The following CHD1L variants were observed in gnomAD, a reference collection of about 807,000 sequenced individuals.
CHD1L encodes ATP-dependent chromatin remodeler CHD1L.
A neutral mutation model predicts 115.9 loss-of-function variants in CHD1L; 118 were observed. The observed-to-expected ratio is 1.02, with a 90% CI of 0.88 to 1.19. CHD1L has a LOEUF of 1.19. CHD1L is among the 50% of genes most tolerant of loss of function. The probability of loss-of-function intolerance (pLI) is 0.00; values close to 1 mark genes in which losing one functional copy is unlikely to be tolerated. For missense variants in CHD1L, 1,179 were observed against 1,065.3 expected (o/e 1.11, Z -1.49); for synonymous variants, 411 against 387.1 (o/e 1.06, Z -0.72).
At chr1:147,200,512 T>G in the CHD1L span, among the ~76,000 whole-genome samples, 1 of 152,150 alleles carries the variant, frequency 6.6e-6, no homozygotes, top group Non-Finnish European at 1.5e-5. Flanking sequence ...TTCTAGAACA[T>G]TATAGTTTTT....
At chr1:147,263,428 CAAAA>C (rs587643353) in intron 6 of CHD1L, among the ~76,000 whole-genome samples, 1 of 124,502 alleles carries the variant, frequency 8.0e-6, no homozygotes. Flanking sequence ...GACCCTGTCT[CAAAA>C]AAAAAAAAAA....
intron 7 of CHD1L, among the ~76,000 whole-genome samples, chr1:147,264,943 A>G (rs962611794): frequency 6.6e-6 from 1 of 152,224 alleles, no homozygotes; most frequent in Non-Finnish European, 1.5e-5. Flanking sequence ...TGGGTGCTGT[A>G]GTCCCAAACT....
chr1:147,235,664 TA>T, the CHD1L span, among the ~76,000 whole-genome samples: 1 of 151,718 alleles, frequency 6.6e-6, no homozygotes, highest in African/African-American at 2.4e-5. Flanking sequence ...AGGGTTAGGG[TA>T]AAAAAAATGG....
chr1:147,293,772 T>C (rs373352310), intron 21 of CHD1L, 50 bp downstream of exon 21: 173 of 1,457,822 alleles, frequency 1.2e-4, no homozygotes, highest in Non-Finnish European at 1.6e-4. Flanking sequence ...TTTCTAGGCA[T>C]GTGATACGAC....
rs140890542 is a variant in CHD1L, at chr1:147,276,132, C to T, written c.1414C>T (p.Arg472Ter). The stretch of plus-strand genomic sequence containing the variant: ...TGTTAAAGTTATTCGGCTGATTGGT[C>T]GAGACACTGTGGAAGAAATAGTCTA... ...KSVKVIRLIGRDTVEEIVYRK... is the reference protein window; with the variant it reads ...KSVKVIRLIG The change falls in exon 14 of 23, where the codon CGA (arginine) becomes TGA (stop). Residue 472 changes from arginine to a stop codon, truncating the protein, a stop_gained. Transcript: ENST00000369258. LOFTEE classifies it high-confidence loss of function. 4 of 1,614,036 alleles carry T rather than the reference C, an allele frequency of 2.5e-6. No homozygotes were observed. Among genetic ancestry groups the T allele is most frequent in the Non-Finnish European group, 3.4e-6 (4 of 1,179,996 alleles).
chr1:147,273,630 T>C (rs757813510), intron 12 of CHD1L, among the ~76,000 whole-genome samples: 72 of 152,252 alleles, frequency 4.7e-4, no homozygotes, highest in Non-Finnish European at 7.8e-4. Context: ...GAAAACAGTT[T>C]TATTTATGCT....
intron 19 of CHD1L, among the ~76,000 whole-genome samples, chr1:147,289,824 G>A (rs1268377979): frequency 6.6e-6 from 1 of 152,222 alleles, no homozygotes; most frequent in African/African-American, 2.4e-5. Flanking sequence ...AGAGTGGAGG[G>A]TTTAGGCAGA....
chr1:147,288,116 G>A (rs1683972065), intron 19 of CHD1L, among the ~76,000 whole-genome samples: 1 of 152,092 alleles, frequency 6.6e-6, no homozygotes, highest in South Asian at 2.1e-4. Flanking sequence ...CTTGAGGCCA[G>A]GAGTTTGAGA....
At chr1:147,273,609 A>G (rs587771938) in intron 12 of CHD1L, among the ~76,000 whole-genome samples, 1 of 152,356 alleles carries the variant, frequency 6.6e-6, no homozygotes, top group East Asian at 1.9e-4. Flanking sequence ...GCAGTGCATC[A>G]TCACTGCCGG....
chr1:147,186,871 T>A, the CHD1L span: 2 of 1,583,654 alleles, frequency 1.3e-6, no homozygotes, highest in Non-Finnish European at 1.7e-6. Flanking sequence ...AGCTTCCCAA[T>A]GAAAAACAGG....
intron 8 of CHD1L, 113 bp downstream of exon 8, chr1:147,266,200 T>G (rs1426735507): frequency 2.9e-6 from 3 of 1,024,304 alleles, no homozygotes; most frequent in Non-Finnish European, 4.2e-6. Flanking sequence ...GGATGGAATT[T>G]TGTATTCTGA....
At chr1:147,269,087 C>G (rs1000961680) in intron 10 of CHD1L, among the ~76,000 whole-genome samples, 1 of 152,098 alleles carries the variant, frequency 6.6e-6, no homozygotes, top group East Asian at 1.9e-4. Flanking sequence ...TGAATTTGTA[C>G]AGCACTTATA....
At chr1:147,188,670 A>G in the CHD1L span, among the ~76,000 whole-genome samples, 1 of 151,828 alleles carries the variant, frequency 6.6e-6, no homozygotes, top group Non-Finnish European at 1.5e-5. Flanking sequence ...GGTTACATGT[A>G]TACATATGTA....
chr1:147,191,704 G>GA, the CHD1L span, among the ~76,000 whole-genome samples: 1 of 151,474 alleles, frequency 6.6e-6, no homozygotes, highest in Non-Finnish European at 1.5e-5. Context: ...GTAAGGAAGG[G>GA]ATCCAGTTTC....
At chr1:147,203,522 GT>G in the CHD1L span, 1 of 890,878 alleles carries the variant, frequency 1.1e-6, no homozygotes, top group Admixed American at 1.7e-5. Context: ...ACTGCATAAA[GT>G]TTAGAGATTA....
At chr1:147,291,327 C>G (rs1051068464) in intron 19 of CHD1L, among the ~76,000 whole-genome samples, 155 bp from the exon 20 acceptor site, 2 of 152,064 alleles carry the variant, frequency 1.3e-5, no homozygotes, top group African/African-American at 2.4e-5. Flanking sequence ...GAGTACCCAG[C>G]TAAGAGGTTG....
At chr1:147,287,975 AG>A (rs140409094) in intron 19 of CHD1L, among the ~76,000 whole-genome samples, 1,946 of 152,322 alleles carry the variant, frequency 0.013, 40 homozygotes, top group African/African-American at 0.045. Context: ...ATAGAACTGT[AG>A]TAAGCATAAT....
chr1:147,258,986 T>C (rs1406371104), intron 5 of CHD1L: 1 of 152,216 alleles, frequency 6.6e-6, no homozygotes, highest in Non-Finnish European at 1.5e-5. Context: ...GCCTTTTAAA[T>C]TGCAACATAA....
At chr1:147,206,173 T>C in the CHD1L span, among the ~76,000 whole-genome samples, 1 of 150,414 alleles carries the variant, frequency 6.6e-6, no homozygotes, top group Non-Finnish European at 1.5e-5. Flanking sequence ...AAAATGCTCA[T>C]CATCACTGGC....
Sources: gnomAD v4.1 joint callset for allele counts (sites outside exome capture counted in the v4.1 genomes callset) on GRCh38, gnomAD v4.1.1 for gene constraint, MANE v1.5 for transcripts, NCBI Gene and HGNC (gene_info 2026-07-23, HGNC 2026-07-21) for gene names.